Variants in FSTL5 observed in about 807,000 individuals in gnomAD.
FSTL5 encodes the protein follistatin like 5.
In FSTL5, 62 loss-of-function variants were observed where a neutral mutation model predicts 89.1. That is an observed-to-expected ratio of 0.70 (90% CI 0.57 to 0.86). The LOEUF is 0.86. FSTL5 is among the 40% of genes least tolerant of loss of function. The pLI, the probability that FSTL5 is intolerant of heterozygous loss-of-function variation, is 0.00. For missense variants in FSTL5, 1,057 were observed against 1,001.6 expected (o/e 1.06, Z -0.75); for synonymous variants, 383 against 346.2 (o/e 1.11, Z -1.18).
In FSTL5 at chr4:161,830,256, A is replaced by G. The variant is rs1332886965; in HGVS notation, c.410-54182T>C. On this transcript the variant is annotated intron_variant, in intron 4 of 15. Transcript: ENST00000306100. ...ACCTGGCATGCTTTAAAGAGGGTAC[A>G]TTTCAACAGTCAATGAACAGGCTGC... 3.3e-5 allele frequency among the ~76,000 whole-genome samples: 5 copies of G among 152,002 alleles called. No individual in the cohort carries two copies. In the East Asian group the frequency reaches 9.7e-4, roughly 29 times the overall value.
intron 4 of FSTL5, among the ~76,000 whole-genome samples, chr4:161,882,047 T>A (rs1732651691): frequency 6.6e-6 from 1 of 152,122 alleles, no homozygotes. Context: ...AGATTTCTAT[T>A]TGATGAGGCA....
chr4:162,041,353 C>T (rs963541855), intron 2 of FSTL5, among the ~76,000 whole-genome samples: 14 of 152,078 alleles, frequency 9.2e-5, no homozygotes, highest in African/African-American at 2.9e-4. Context: ...TGCAGTAGTG[C>T]AGAGTTGGAA....
intron 2 of FSTL5, among the ~76,000 whole-genome samples, chr4:162,085,521 G>A (rs1730281012): frequency 6.6e-6 from 1 of 151,294 alleles, no homozygotes; most frequent in South Asian, 2.1e-4. Flanking sequence ...ACATATGTGT[G>A]TATACATGTT....
At chr4:161,392,872 G>A (rs1730866172) in intron 15 of FSTL5, among the ~76,000 whole-genome samples, 2 of 151,920 alleles carry the variant, frequency 1.3e-5, no homozygotes, top group Non-Finnish European at 2.9e-5. Context: ...TGAAACAAAG[G>A]CAAACGCAAG....
intron 3 of FSTL5, 34 bp from the exon 4 acceptor site, chr4:161,920,686 G>A: frequency 6.3e-7 from 1 of 1,579,594 alleles, no homozygotes; most frequent in Non-Finnish European, 8.6e-7. Flanking sequence ...AAATCGTTTG[G>A]TTCATTTGTC....
intron 10 of FSTL5, among the ~76,000 whole-genome samples, chr4:161,520,483 AC>A (rs1472917859): frequency 6.6e-6 from 1 of 152,024 alleles, no homozygotes; most frequent in African/African-American, 2.4e-5. Context: ...ATAACAAAAA[AC>A]ATCAAAGACA....
chr4:161,414,870 C>G (rs1051081834), intron 15 of FSTL5, among the ~76,000 whole-genome samples: 2 of 152,090 alleles, frequency 1.3e-5, no homozygotes, highest in Non-Finnish European at 2.9e-5. Context: ...GGCTTTGAGT[C>G]CTGGTCTCCT....
intron 2 of FSTL5, among the ~76,000 whole-genome samples, chr4:162,067,342 C>T (rs889530014): frequency 6.6e-6 from 1 of 152,026 alleles, no homozygotes; most frequent in Non-Finnish European, 1.5e-5. Context: ...CATGAGCCAC[C>T]ACATTTGGCC....
intron 3 of FSTL5, among the ~76,000 whole-genome samples, chr4:161,931,651 A>G (rs13107374): frequency 0.32 from 49,057 of 151,780 alleles, 9,658 homozygotes; most frequent in Non-Finnish European, 0.43. Flanking sequence ...TCAAATGAAT[A>G]AACTGGTGGT....
At chr4:162,043,776 C>T (rs1276236804) in intron 2 of FSTL5, among the ~76,000 whole-genome samples, 2 of 152,148 alleles carry the variant, frequency 1.3e-5, no homozygotes, top group Non-Finnish European at 2.9e-5. Flanking sequence ...ATTTCAACAA[C>T]GTTGACAGCA....
chr4:161,488,100 T>G (rs1729742814), intron 12 of FSTL5, among the ~76,000 whole-genome samples: 2 of 152,126 alleles, frequency 1.3e-5, no homozygotes, highest in Non-Finnish European at 2.9e-5. Context: ...AGCCTCCAAA[T>G]TTGACCATTT....
At chr4:161,917,915 T>C (rs909210969) in intron 4 of FSTL5, among the ~76,000 whole-genome samples, 1 of 152,130 alleles carries the variant, frequency 6.6e-6, no homozygotes, top group Non-Finnish European at 1.5e-5. Context: ...CATTCTAAGG[T>C]TTTCATAATC....
rs186050104 is a variant in FSTL5, at chr4:161,853,801, T to C, written c.409+66603A>G. Among the ~76,000 whole-genome samples the C allele has an allele frequency of 9.6e-3, 1,467 of 152,204 alleles. 27 individuals carry two copies. Among genetic ancestry groups the C allele is most frequent in the African/African-American group, 0.033 (1,376 of 41,530 alleles). ...AGATGTCCTTATTCATTAAAAATGG[T>C]TTACCCAGGTTCTGACAGAAAACAG... On this transcript the variant is annotated intron_variant, in intron 4 of 15. Transcript: ENST00000306100.
At chr4:161,871,920 C>T (rs551256509) in intron 4 of FSTL5, among the ~76,000 whole-genome samples, 2 of 152,136 alleles carry the variant, frequency 1.3e-5, no homozygotes, top group African/African-American at 2.4e-5. Context: ...CACAGAAACA[C>T]ATCTGACACA....
At chr4:162,139,771 A>C (rs1732654291) in intron 1 of FSTL5, among the ~76,000 whole-genome samples, 2 of 152,136 alleles carry the variant, frequency 1.3e-5, no homozygotes, top group Admixed American at 1.3e-4. Flanking sequence ...ATTCTCAAAC[A>C]AGGAACAAAA....
rs1382032682 is a variant in FSTL5 at position 162,120,192 on chromosome 4, G to A, written c.-16-8780C>T. 2.0e-5 allele frequency among the ~76,000 whole-genome samples: 3 copies of A among 151,988 alleles called. No individual in the cohort carries two copies. The East Asian group carries it at 5.8e-4, about 29-fold the overall frequency. ...AAATAATTGCATTGTTATTTTAGAG[G>A]TACTGAGATGTAAAACGTACAGGAA... On this transcript the variant is annotated intron_variant, in intron 1 of 15. Coordinates refer to ENST00000306100, the MANE Select transcript of FSTL5 (RefSeq NM_020116.5).
intron 5 of FSTL5, among the ~76,000 whole-genome samples, chr4:161,770,532 T>C (rs1204171096): frequency 6.6e-6 from 1 of 151,950 alleles, no homozygotes; most frequent in African/African-American, 2.4e-5. Context: ...AGAATCTTGA[T>C]TATAGTCATG....
chr4:161,731,647 G>T (rs1357742301), intron 6 of FSTL5, among the ~76,000 whole-genome samples: 1 of 151,896 alleles, frequency 6.6e-6, no homozygotes, highest in Non-Finnish European at 1.5e-5. Flanking sequence ...GTCTCAGGTA[G>T]TTCTTTATAG....
chr4:161,384,701 T>C lies in FSTL5; in HGVS notation c.*1046A>G, dbSNP rs1730553259. ...TTACCACTGTCGGGCTACCCCTTTA[T>C]TCCCAACTTATATTACTAATTCTTC... On this transcript the variant is annotated 3_prime_UTR_variant, in exon 16 of 16. Transcript: ENST00000306100. 6.6e-6 allele frequency: 1 copy of C among 152,150 alleles called. No individual in the cohort carries two copies. The highest frequency in any genetic ancestry group is 2.4e-5 in the African/African-American group (1 of 41,452). 9.4% of individuals were successfully genotyped at this position (152,150 alleles called of 1,614,324 possible).
Sources: gnomAD v4.1 joint callset for allele counts (sites outside exome capture counted in the v4.1 genomes callset) on GRCh38, gnomAD v4.1.1 for gene constraint, MANE v1.5 for transcripts, NCBI Gene and HGNC (gene_info 2026-07-23, HGNC 2026-07-21) for gene names.